ABCA5: variants seen among roughly 807,000 people sequenced by gnomAD.
ABCA5 encodes the protein ATP binding cassette subfamily A member 5.
Under a neutral mutation model 206.0 loss-of-function variants are expected in ABCA5, and 163 were observed. The ratio of observed to expected loss-of-function variants is 0.79; its 90% CI spans 0.70 to 0.90. ABCA5 has a LOEUF of 0.90. Among genes scored for constraint, ABCA5 ranks in the 40% least tolerant of loss-of-function variants. The pLI, the probability that ABCA5 is intolerant of heterozygous loss-of-function variation, is 0.00. For synonymous variants in ABCA5, 609 were observed against 613.8 expected (o/e 0.99, Z 0.11); for missense variants, 1,859 against 1,912.9 (o/e 0.97, Z 0.53).
At chr17:69,299,481 C>CACACACAT (rs1004247182) in intron 9 of ABCA5, among the ~76,000 whole-genome samples, 1 of 151,402 alleles carries the variant, frequency 6.6e-6, no homozygotes, top group Admixed American at 6.6e-5. Context: ...TACACACACA[C>CACACACAT]ACACACACAC....
chr17:69,264,681 T>C, intron 24 of ABCA5, 54 bp downstream of exon 24: 1 of 1,257,070 alleles, frequency 8.0e-7, no homozygotes, highest in Non-Finnish European at 1.0e-6. Flanking sequence ...TTATAACAGA[T>C]TTTAAATAAC....
intron 1 of ABCA5, among the ~76,000 whole-genome samples, chr17:69,321,548 T>C (rs1359931594): frequency 1.3e-5 from 2 of 152,190 alleles, no homozygotes; most frequent in Non-Finnish European, 2.9e-5. Flanking sequence ...AAAAGATGCA[T>C]GGCCTGCCTC....
rs941504172 is a variant in ABCA5, at chr17:69,326,804, G to A, written c.-16+248C>T. Among the ~76,000 whole-genome samples the A allele has an allele frequency of 2.6e-5, 4 of 151,950 alleles. No individual in the cohort carries two copies. Among genetic ancestry groups the A allele is most frequent in the Admixed American group, 6.5e-5 (1 of 15,274 alleles). ...CCCGACCCCCTCACGTCCGCATCCTGGGCGCTCCCACCGCATCCCCGAGGC... is the reference window on the plus strand; with the variant it reads ...CCCGACCCCCTCACGTCCGCATCCTAGGCGCTCCCACCGCATCCCCGAGGC... On this transcript the variant is annotated intron_variant, in intron 1 of 38. Coordinates refer to ENST00000392676, the MANE Select transcript of ABCA5 (RefSeq NM_172232.4). This position sits in a 1 kb window ranked among gnomAD's most constrained non-coding sequence, Gnocchi z 4.8.
In ABCA5 at chr17:69,294,699, T is replaced by G; in HGVS notation, c.1451A>C (p.Gln484Pro). 1 of 1,600,354 alleles carries G rather than the reference T, an allele frequency of 6.2e-7. No individual in the cohort carries two copies. Among genetic ancestry groups the G allele is most frequent in the Non-Finnish European group, 8.5e-7 (1 of 1,170,342 alleles). ...GKEAIRISGI[Q>P]KTYRKKGENV... is the part of the protein sequence containing the mutation. Reference sequence around the variant, plus strand: ...TTCACCCTTCTTTCTGTATGTCTTCTGAATACCACTAATTCTGAAATATAA... The same window carrying G: ...TTCACCCTTCTTTCTGTATGTCTTCGGAATACCACTAATTCTGAAATATAA... Residue 484 changes from glutamine to proline, a missense_variant, in exon 11 of 39, where the codon CAG (glutamine) becomes CCG (proline). By Grantham distance (76) the Gln-to-Pro change is moderately conservative. Transcript: ENST00000392676.
intron 3 of ABCA5, among the ~76,000 whole-genome samples, chr17:69,311,036 A>C (rs1402917074): frequency 6.6e-6 from 1 of 152,160 alleles, no homozygotes; most frequent in African/African-American, 2.4e-5. Flanking sequence ...TCTACAAAAA[A>C]TACAAAAATT....
chr17:69,289,493 T>C (rs1476330238), intron 13 of ABCA5, among the ~76,000 whole-genome samples, 197 bp from the exon 14 acceptor site: 2 of 152,272 alleles, frequency 1.3e-5, no homozygotes, highest in East Asian at 1.9e-4. Context: ...TATATAATTA[T>C]GAAAACAACA....
rs2074946008 is a variant in ABCA5, at chr17:69,246,019, T to C, written c.*1518A>G. 6.6e-6 allele frequency: 1 copy of C among 152,004 alleles called. No homozygotes were observed. 9.4% of individuals were successfully genotyped at this position (152,004 alleles called of 1,614,324 possible). A position where few individuals can be genotyped will look rare whatever the true frequency, so the allele number is the denominator to read the frequency against. On this transcript the variant is annotated 3_prime_UTR_variant, in exon 39 of 39. Transcript: ENST00000392676. Reference sequence around the variant, plus strand: ...CCCAAAAAAGAGGTCCCTGGGTATTTATGTGAACATTATATATACTTTAGG... The same window carrying C: ...CCCAAAAAAGAGGTCCCTGGGTATTCATGTGAACATTATATATACTTTAGG...
At position 69,254,359 on chromosome 17, in the gene ABCA5, A is replaced by G; in HGVS notation, c.4200T>C (p.Ala1400=). 1 of 1,613,524 alleles carries G rather than the reference A, an allele frequency of 6.2e-7. No individual in the cohort carries two copies. The highest frequency in any genetic ancestry group is 8.5e-7 in the Non-Finnish European group (1 of 1,179,694). ...TGTCACTTGCACTCATTCCTTTGAC[A>G]GCTCCATAAATTTCAAAATGTTCCT... ...TLQEHFEIYG[A]VKGMSASDMK... is the part of the protein sequence containing the mutation. The change falls in exon 32 of 39, where the codon GCT becomes GCC. Residue 1400 remains alanine (A), a synonymous_variant. Transcript: ENST00000392676.
At chr17:69,254,178 A>T in intron 32 of ABCA5, 137 bp downstream of exon 32, 5 of 716,974 alleles carry the variant, frequency 7.0e-6, no homozygotes, top group Non-Finnish European at 1.1e-5. Context: ...CATATATCAT[A>T]AAGAATATAT....
intron 26 of ABCA5, 42 bp downstream of exon 26, chr17:69,261,083 A>C: frequency 1.4e-6 from 2 of 1,463,588 alleles, no homozygotes; most frequent in Non-Finnish European, 1.8e-6. Context: ...GACCATATTT[A>C]TTTTATGTTT....
At chr17:69,276,381 C>G (rs1783371644) in intron 19 of ABCA5, among the ~76,000 whole-genome samples, 2 of 152,094 alleles carry the variant, frequency 1.3e-5, no homozygotes, top group South Asian at 4.1e-4. Context: ...GCCACCGAGC[C>G]CAGATGGTAT....
At chr17:69,288,719 G>GAAGAAAAGAAAGAAAGAAAGAAAGAAAGA (rs1555581072) in intron 14 of ABCA5, among the ~76,000 whole-genome samples, 1 of 145,188 alleles carries the variant, frequency 6.9e-6, no homozygotes, top group African/African-American at 2.6e-5. Context: ...AAAAAAAAAA[G>GAAGAAAAGAAAGAAAGAAAGAAAGAAAGA]AAGAAAGAAA....
At position 69,299,709 on chromosome 17, in the gene ABCA5, A is replaced by AG. The variant is rs200179230; in HGVS notation, c.1267+1429dup. ...TATGGGGGCTCAGGGAAAAGGTGGG[A>AG]GGGGGGTGAGGGATAAAAGAATACA... is the stretch of plus-strand genomic sequence containing the variant. On this transcript the variant is annotated intron_variant, in intron 9 of 38. Coordinates refer to ENST00000392676, the MANE Select transcript of ABCA5 (RefSeq NM_172232.4). Among the ~76,000 whole-genome samples, 994 of 151,668 alleles carry AG rather than the reference A, an allele frequency of 6.6e-3. 14 individuals are homozygous for AG. Among genetic ancestry groups the AG allele is most frequent in the African/African-American group, 0.022 (925 of 41,190 alleles).
chr17:69,296,446 T>C (rs999917393), intron 10 of ABCA5, among the ~76,000 whole-genome samples: 2 of 152,304 alleles, frequency 1.3e-5, no homozygotes, highest in African/African-American at 4.8e-5. Context: ...TGAATTTCTT[T>C]GGTTCTTAAA....
At chr17:69,317,707 A>G (rs962965255) in intron 1 of ABCA5, 1 of 152,204 alleles carries the variant, frequency 6.6e-6, no homozygotes, top group Non-Finnish European at 1.5e-5. Flanking sequence ...CATTGTACCT[A>G]TCACAGGTCC....
At chr17:69,256,131 T>C in intron 29 of ABCA5, 26 bp downstream of exon 29, 2 of 1,533,238 alleles carry the variant, frequency 1.3e-6, no homozygotes, top group Non-Finnish European at 1.7e-6. Context: ...ATATTTACTA[T>C]GACTTAGCCA....
At chr17:69,291,462 G>C in intron 11 of ABCA5, 136 bp from the exon 12 acceptor site, 1 of 478,244 alleles carries the variant, frequency 2.1e-6, no homozygotes, top group Non-Finnish European at 3.6e-6. Context: ...ATATTTGATA[G>C]CAGGTAAAAC....
intron 3 of ABCA5, among the ~76,000 whole-genome samples, chr17:69,311,616 A>G (rs1026602948): frequency 6.6e-6 from 1 of 152,020 alleles, no homozygotes; most frequent in African/African-American, 2.4e-5. Context: ...CAACCTCCCA[A>G]GTAGCTGGGA....
intron 18 of ABCA5, among the ~76,000 whole-genome samples, chr17:69,278,625 A>C (rs906979152): frequency 6.6e-6 from 1 of 152,224 alleles, no homozygotes; most frequent in African/African-American, 2.4e-5. Context: ...AAGGTATAAC[A>C]AATTCAGTAG....
Sources: gnomAD v4.1 joint callset for allele counts (sites outside exome capture counted in the v4.1 genomes callset) on GRCh38, gnomAD v4.1.1 for gene constraint, Gnocchi (gnomAD v3.1) non-coding constraint, MANE v1.5 for transcripts, NCBI Gene and HGNC (gene_info 2026-07-23, HGNC 2026-07-21) for gene names.